P4HTM: variants seen among roughly 807,000 people sequenced by gnomAD.
P4HTM encodes prolyl 4-hydroxylase, transmembrane.
A neutral mutation model predicts 55.3 loss-of-function variants in P4HTM; 33 were observed. The ratio of observed to expected loss-of-function variants is 0.60; its 90% CI spans 0.45 to 0.80. The LOEUF (loss-of-function observed/expected upper bound fraction) is 0.80, where lower values mean the gene tolerates loss of function less well. Among genes scored for constraint, P4HTM ranks in the 30% least tolerant of loss-of-function variants. P4HTM has a pLI of 0.00. For synonymous variants in P4HTM, 272 were observed against 286.4 expected (o/e 0.95, Z 0.51); for missense variants, 542 against 696.5 (o/e 0.78, Z 2.50).
Position 49,006,975 on chromosome 3 carries a change from T to C in P4HTM, c.*68T>C. ...CCCAAGATCAGGGGTCCGGCTGTCC[T>C]TCTGTCCTGCTGCAGACTAAAGGTC... On this transcript the variant is annotated 3_prime_UTR_variant, in exon 9 of 9. Coordinates refer to ENST00000383729, the MANE Select transcript of P4HTM (RefSeq NM_177939.3). The C allele has an allele frequency of 7.7e-7, 1 of 1,297,994 alleles. No homozygotes were observed. The highest frequency in any genetic ancestry group is 1.1e-6 in the Non-Finnish European group (1 of 927,640). 80.4% of individuals were successfully genotyped at this position (1,297,994 alleles called of 1,614,324 possible). A position where few individuals can be genotyped will look rare whatever the true frequency, so the allele number is the denominator to read the frequency against.
At position 49,001,445 on chromosome 3, in the gene P4HTM, C is replaced by A. The variant is rs368504809; in HGVS notation, c.444C>A (p.Pro148=). The A allele has an allele frequency of 1.1e-5, 18 of 1,613,682 alleles. No individual in the cohort carries two copies. The Admixed American group carries it at 2.0e-4, about 18-fold the overall frequency. Reference sequence around the variant, plus strand: ...CACCTCCTCTTCTGGCAGAAATCCCCGGCTTCCTGACTGATGAAGAGTGTC... The same window carrying A: ...CACCTCCTCTTCTGGCAGAAATCCCAGGCTTCCTGACTGATGAAGAGTGTC... The part of the protein sequence containing the change: ...LSLKPLLFEI[P]GFLTDEECRL... Residue 148 remains proline (P), a synonymous_variant, in exon 3 of 9, where the codon CCC becomes CCA. Transcript: ENST00000383729.
chr3:48,993,487 C>T (rs1402105875), intron 2 of P4HTM, among the ~76,000 whole-genome samples: 1 of 152,048 alleles, frequency 6.6e-6, no homozygotes, highest in Non-Finnish European at 1.5e-5. Context: ...TTCCTGGGAT[C>T]TGTATATATC....
At chr3:48,998,713 C>T (rs1238190030) in intron 2 of P4HTM, among the ~76,000 whole-genome samples, 6 of 152,162 alleles carry the variant, frequency 3.9e-5, no homozygotes, top group African/African-American at 9.7e-5. Context: ...GAAAGGCCTT[C>T]GGGGCACCGC....
intron 2 of P4HTM, chr3:48,997,976 C>T (rs943243219): frequency 3.4e-5 from 5 of 147,508 alleles, no homozygotes; most frequent in African/African-American, 5.1e-5. Context: ...AGGGGCAAGG[C>T]GAGGCACTGG....
rs552154139 is a variant in P4HTM at position 49,003,000 on chromosome 3, C to A, written c.724+404C>A. On this transcript the variant is annotated intron_variant, in intron 4 of 8. Transcript: ENST00000383729. This position sits in a 1 kb window ranked among gnomAD's most constrained non-coding sequence, Gnocchi z 4.4. ...CTCCAGCCAGACACGAGGTCCACCCCAGCAGACAGCTTCCCTGGTCTAAGT... is the reference window on the plus strand; with the variant it reads ...CTCCAGCCAGACACGAGGTCCACCCAAGCAGACAGCTTCCCTGGTCTAAGT... 145 of 350,634 alleles carry A rather than the reference C, an allele frequency of 4.1e-4. No homozygotes were observed. The highest frequency in any genetic ancestry group is 3.0e-3 in the African/African-American group (141 of 46,892). 21.7% of individuals were successfully genotyped at this position (350,634 alleles called of 1,614,324 possible).
chr3:48,992,279 A>ATTTTTT (rs1213436838), intron 2 of P4HTM: 4 of 151,988 alleles, frequency 2.6e-5, no homozygotes, highest in Admixed American at 2.6e-4. Flanking sequence ...AGTAAGGCAG[A>ATTTTTT]TTTTTTTTCT....
intron 2 of P4HTM, among the ~76,000 whole-genome samples, chr3:49,000,402 A>T (rs943061697): frequency 2.0e-5 from 3 of 152,116 alleles, no homozygotes; most frequent in Admixed American, 6.6e-5. Context: ...ATAAAAAAAT[A>T]AAAAAAGCTC....
At chr3:49,005,244 G>T in intron 6 of P4HTM, 198 bp downstream of exon 6, 2 of 1,515,126 alleles carry the variant, frequency 1.3e-6, no homozygotes, top group South Asian at 2.6e-5. Flanking sequence ...TGGTCATCGT[G>T]ACCACTGGAG....
At chr3:48,994,448 C>T (rs1181854117) in intron 2 of P4HTM, among the ~76,000 whole-genome samples, 1 of 152,168 alleles carries the variant, frequency 6.6e-6, no homozygotes, top group Non-Finnish European at 1.5e-5. Flanking sequence ...CCGTGCAGCC[C>T]CCAGTCTCTC....
chr3:48,993,148 C>T (rs1172168332), intron 2 of P4HTM, among the ~76,000 whole-genome samples: 1 of 151,818 alleles, frequency 6.6e-6, no homozygotes, highest in Non-Finnish European at 1.5e-5. Flanking sequence ...ACTAAAAATA[C>T]AACATTAGCA....
chr3:49,006,054 C>G lies in P4HTM; in HGVS notation c.1165-10C>G, dbSNP rs970612471. On this transcript the variant is annotated splice_polypyrimidine_tract_variant and intron_variant, in intron 7 of 8. Transcript: ENST00000383729. Reference sequence around the variant, plus strand: ...ACAGGTTGAACACCCCACCACCCTGCTGCCCACAGAGTCTGATTCAGGATG... The same window carrying G: ...ACAGGTTGAACACCCCACCACCCTGGTGCCCACAGAGTCTGATTCAGGATG... 6.2e-7 allele frequency: 1 copy of G among 1,609,778 alleles called. No homozygotes were observed. The highest frequency in any genetic ancestry group is 1.3e-5 in the African/African-American group (1 of 74,882).
At position 49,002,386 on chromosome 3, in the gene P4HTM, C is replaced by T; in HGVS notation, c.628-114C>T. ...TGGCCCAATGGGCTCTGCCCTGTGT[C>T]CTCATCCATGCCCTCACCTGAACAC... On this transcript the variant is annotated intron_variant, in intron 3 of 8. Coordinates refer to ENST00000383729, the MANE Select transcript of P4HTM (RefSeq NM_177939.3). This position sits in a 1 kb window ranked among gnomAD's most constrained non-coding sequence, Gnocchi z 4.4. 2.5e-6 allele frequency: 2 copies of T among 787,104 alleles called. No individual in the cohort carries two copies. Among genetic ancestry groups the T allele is most frequent in the South Asian group, 3.1e-5 (2 of 65,130 alleles). 48.8% of individuals were successfully genotyped at this position (787,104 alleles called of 1,614,324 possible). A position where few individuals can be genotyped will look rare whatever the true frequency, so the allele number is the denominator to read the frequency against.
chr3:49,005,197 C>T (rs1303849611), intron 6 of P4HTM, 151 bp downstream of exon 6: 2 of 1,577,394 alleles, frequency 1.3e-6, no homozygotes, highest in African/African-American at 2.7e-5. Flanking sequence ...CCTCTCCCCA[C>T]AAGTTGTTTA....
chr3:49,001,763 AC>A, intron 3 of P4HTM, 135 bp downstream of exon 3: 1 of 730,478 alleles, frequency 1.4e-6, no homozygotes, highest in Non-Finnish European at 2.2e-6. Flanking sequence ...GCATGCCCAG[AC>A]CCAGGAGGTC....
chr3:48,996,057 A>G (rs2092944685), intron 2 of P4HTM: 1 of 152,206 alleles, frequency 6.6e-6, no homozygotes. Context: ...ATTTTTCTTA[A>G]CAATTTGAGG....
chr3:49,004,565 T>A (rs1049167898), intron 5 of P4HTM: 13 of 554,398 alleles, frequency 2.3e-5, no homozygotes, highest in Non-Finnish European at 3.8e-5. Flanking sequence ...AAAGGGTTTT[T>A]AAATAAACAA....
rs77711983 is a variant in P4HTM, at chr3:48,995,278, C to T, written c.436+4364C>T. On this transcript the variant is annotated intron_variant, in intron 2 of 8. Coordinates refer to ENST00000383729, the MANE Select transcript of P4HTM (RefSeq NM_177939.3). ...TACTGCCTCAGGGCCTTTGTATGTA[C>T]TATTCCCTCACTAAAAGGCTTAGAC... 2.2e-4 allele frequency among the ~76,000 whole-genome samples: 34 copies of T among 152,280 alleles called. No homozygotes were observed. In the East Asian group the frequency reaches 6.4e-3, roughly 29 times the overall value.
intron 2 of P4HTM, chr3:48,991,142 C>G (rs1207554928): frequency 1.9e-6 from 1 of 532,854 alleles, no homozygotes; most frequent in Non-Finnish European, 3.4e-6. Flanking sequence ...GCAGGGTGAG[C>G]CTGAGGCTGG....
rs534698994 is a variant in P4HTM at position 49,005,242 on chromosome 3, G to C, written c.1073+196G>C. ...TGGAAAGGGGTGGCTACTGGTCATC[G>C]TGACCACTGGAGTCAACACAGACTG... On this transcript the variant is annotated intron_variant, in intron 6 of 8. Coordinates refer to ENST00000383729, the MANE Select transcript of P4HTM (RefSeq NM_177939.3). 1.4e-5 allele frequency: 22 copies of C among 1,520,560 alleles called. No individual in the cohort carries two copies. The African/African-American group carries it at 3.0e-4, about 21-fold the overall frequency. The allele number at this position is 1,520,560 out of a possible 1,614,324, so 94.2% of individuals were successfully genotyped here.
Sources: allele counts gnomAD v4.1 joint callset (sites outside exome capture counted in the v4.1 genomes callset), GRCh38; gene constraint gnomAD v4.1.1; non-coding constraint Gnocchi (gnomAD v3.1); transcripts MANE v1.5; gene names NCBI Gene and HGNC (gene_info 2026-07-23, HGNC 2026-07-21).